Variants in NMNAT2 observed in about 807,000 individuals in gnomAD.
NMNAT2 encodes the protein nicotinamide/nicotinic acid mononucleotide adenylyltransferase 2.
Under a neutral mutation model 41.6 loss-of-function variants are expected in NMNAT2, and 11 were observed. The observed-to-expected ratio is 0.26, with a 90% CI of 0.17 to 0.44. The LOEUF is 0.44. Ranked by LOEUF, NMNAT2 falls within the 20% of genes least tolerant of loss-of-function variation. The pLI is 1.00. For synonymous variants in NMNAT2, 148 were observed against 151.2 expected (o/e 0.98, Z 0.16); for missense variants, 288 against 407.7 (o/e 0.71, Z 2.53).
At chr1:183,270,543 A>AG (rs1174327156) in intron 8 of NMNAT2, among the ~76,000 whole-genome samples, 73 of 151,154 alleles carry the variant, frequency 4.8e-4, no homozygotes, top group Middle Eastern at 3.4e-3. Context: ...AAAAAAAAAA[A>AG]AGAGAGAGAA....
chr1:183,283,915 C>T (rs765008821), intron 7 of NMNAT2, 80 bp downstream of exon 7: 46 of 1,400,954 alleles, frequency 3.3e-5, no homozygotes, highest in Non-Finnish European at 4.3e-5. Flanking sequence ...TTTCAAGCCT[C>T]TCTGCTCCCC....
chr1:183,388,300 A>G lies in NMNAT2; in HGVS notation c.85+29883T>C, dbSNP rs186395506. Among the ~76,000 whole-genome samples the G allele has an allele frequency of 3.1e-4, 47 of 152,318 alleles. No individual in the cohort carries two copies. The East Asian group carries it at 7.5e-3, about 24-fold the overall frequency. ...CGCACACATTTATTTGGGGAAAAAA[A>G]GGTGAAACCTTAAGCAGGCAGGGAT... On this transcript the variant is annotated intron_variant, in intron 1 of 10. Coordinates refer to ENST00000287713, the MANE Select transcript of NMNAT2 (RefSeq NM_015039.4).
At chr1:183,314,789 G>A (rs2102326370) in intron 1 of NMNAT2, among the ~76,000 whole-genome samples, 1 of 152,310 alleles carries the variant, frequency 6.6e-6, no homozygotes, top group African/African-American at 2.4e-5. Flanking sequence ...TGAGGCAGGA[G>A]CCTTCCTTGA....
intron 1 of NMNAT2, among the ~76,000 whole-genome samples, chr1:183,403,704 TAA>T (rs745429460): frequency 4.6e-5 from 7 of 152,240 alleles, no homozygotes; most frequent in Non-Finnish European, 1.0e-4. Flanking sequence ...ATGTTGGACT[TAA>T]ACATTCCACA....
At chr1:183,408,131 T>C (rs1649010920) in intron 1 of NMNAT2, among the ~76,000 whole-genome samples, 1 of 152,226 alleles carries the variant, frequency 6.6e-6, no homozygotes, top group South Asian at 2.1e-4. Context: ...TCAACAGCAC[T>C]TCCTATTTTA....
At chr1:183,256,637 A>G (rs1660522337) in intron 10 of NMNAT2, among the ~76,000 whole-genome samples, 1 of 152,246 alleles carries the variant, frequency 6.6e-6, no homozygotes, top group Non-Finnish European at 1.5e-5. Context: ...CTTGTGTGCC[A>G]GGGATAAATC....
chr1:183,310,685 T>C (rs1322307127), intron 1 of NMNAT2, among the ~76,000 whole-genome samples: 3 of 152,170 alleles, frequency 2.0e-5, no homozygotes, highest in African/African-American at 7.2e-5. Context: ...TAACATCCTA[T>C]AATGCACAGG....
At chr1:183,268,326 C>A (rs1660874670) in intron 8 of NMNAT2, among the ~76,000 whole-genome samples, 1 of 152,140 alleles carries the variant, frequency 6.6e-6, no homozygotes, top group Non-Finnish European at 1.5e-5. Flanking sequence ...GTGGTCTTAG[C>A]CAGGCACTTT....
At chr1:183,385,754 T>G (rs1648224514) in intron 1 of NMNAT2, among the ~76,000 whole-genome samples, 1 of 152,204 alleles carries the variant, frequency 6.6e-6, no homozygotes, top group Non-Finnish European at 1.5e-5. Flanking sequence ...CAACAAACAT[T>G]AAAATCTGCA....
chr1:183,305,985 G>A (rs1661984594), intron 1 of NMNAT2, among the ~76,000 whole-genome samples: 1 of 152,154 alleles, frequency 6.6e-6, no homozygotes, highest in African/African-American at 2.4e-5. Context: ...GCCTCCCAAA[G>A]TGCTGGGATT....
chr1:183,260,105 G>C (rs2477438), intron 10 of NMNAT2, among the ~76,000 whole-genome samples: 147,098 of 152,284 alleles, frequency 0.97, 71,267 homozygotes, highest in East Asian at 1. Context: ...TGGGCATGTG[G>C]CTGCCTAGCT....
intron 8 of NMNAT2, among the ~76,000 whole-genome samples, chr1:183,269,492 C>A (rs1660925416): frequency 6.6e-6 from 1 of 152,232 alleles, no homozygotes. Flanking sequence ...GCCTGAGTTT[C>A]CCTCCCAAAC....
At chr1:183,379,288 C>T (rs1428964945) in intron 1 of NMNAT2, among the ~76,000 whole-genome samples, 1 of 152,036 alleles carries the variant, frequency 6.6e-6, no homozygotes, top group Non-Finnish European at 1.5e-5. Flanking sequence ...TAAAGCAATC[C>T]TCCTGCCTGA....
At chr1:183,333,592 T>G (rs1327672306) in intron 1 of NMNAT2, among the ~76,000 whole-genome samples, 1 of 152,240 alleles carries the variant, frequency 6.6e-6, no homozygotes, top group South Asian at 2.1e-4. Flanking sequence ...GATTCTCCCC[T>G]AGAGCCTCTA....
chr1:183,300,587 T>G (rs1332932457), intron 1 of NMNAT2, among the ~76,000 whole-genome samples: 1 of 152,192 alleles, frequency 6.6e-6, no homozygotes, highest in Admixed American at 6.5e-5. Context: ...GCAGCCCAAA[T>G]GGACTAAGTC....
At position 183,251,641 on chromosome 1, in the gene NMNAT2, G is replaced by T. The variant is rs201550637; in HGVS notation, c.*1000C>A. 2 of 152,792 alleles carry T rather than the reference G, an allele frequency of 1.3e-5. No individual in the cohort carries two copies. The highest frequency in any genetic ancestry group is 6.5e-5 in the Admixed American group (1 of 15,286). 9.5% of individuals were successfully genotyped at this position (152,792 alleles called of 1,614,324 possible). A position where few individuals can be genotyped will look rare whatever the true frequency, so the allele number is the denominator to read the frequency against. On this transcript the variant is annotated 3_prime_UTR_variant, in exon 11 of 11. Transcript: ENST00000287713. ...GAAACCCCTGGCTGGTAGGGAACCC[G>T]CACTGTGCCATCAGCTACAGTCCAC...
chr1:183,250,824 C>A lies in NMNAT2; in HGVS notation c.*1817G>T, dbSNP rs1306611429. On this transcript the variant is annotated 3_prime_UTR_variant, in exon 11 of 11. Transcript: ENST00000287713. Reference sequence around the variant, plus strand: ...GCTCTACCATGTTCTTCTGTTAAATCAAGTTCCTTTTCCCGCAATTGAAGG... The same window carrying A: ...GCTCTACCATGTTCTTCTGTTAAATAAAGTTCCTTTTCCCGCAATTGAAGG... The A allele has an allele frequency of 6.6e-6, 1 of 152,584 alleles. No homozygotes were observed. The highest frequency in any genetic ancestry group is 1.5e-5 in the Non-Finnish European group (1 of 68,040). The allele number at this position is 152,584 out of a possible 1,614,324, so 9.5% of individuals were successfully genotyped here.
chr1:183,351,227 T>C (rs1029139235), intron 1 of NMNAT2, among the ~76,000 whole-genome samples: 1 of 152,202 alleles, frequency 6.6e-6, no homozygotes, highest in African/African-American at 2.4e-5. Flanking sequence ...AAAGGCATGA[T>C]AGGATTTTCA....
intron 7 of NMNAT2, 94 bp from the exon 8 acceptor site, chr1:183,278,723 TC>T: frequency 1.1e-6 from 1 of 877,590 alleles, no homozygotes; most frequent in Non-Finnish European, 1.9e-6. Context: ...TACATAACTC[TC>T]CCACCTTTGG....
Sources: allele counts gnomAD v4.1 joint callset (sites outside exome capture counted in the v4.1 genomes callset), GRCh38; gene constraint gnomAD v4.1.1; transcripts MANE v1.5; gene names NCBI Gene and HGNC (gene_info 2026-07-23, HGNC 2026-07-21).